The following RGS21 variants were observed in gnomAD, a reference collection of about 807,000 sequenced individuals.
RGS21 encodes regulator of G protein signaling 21.
Under a neutral mutation model 18.7 loss-of-function variants are expected in RGS21, and 19 were observed. The observed-to-expected ratio is 1.01, with a 90% CI of 0.71 to 1.49. The LOEUF (loss-of-function observed/expected upper bound fraction) is 1.49, where lower values mean the gene tolerates loss of function less well. Ranked by LOEUF, RGS21 falls within the 40% of genes most tolerant of loss-of-function variation. The probability of loss-of-function intolerance (pLI) is 0.00; values close to 1 mark genes in which losing one functional copy is unlikely to be tolerated. For missense variants in RGS21, 194 were observed against 176.8 expected, an observed-to-expected ratio of 1.10 and a Z score of -0.55; for synonymous variants, 56 against 57.8, an observed-to-expected ratio of 0.97 and a Z score of 0.14.
intron 3 of RGS21, among the ~76,000 whole-genome samples, chr1:192,351,725 TAA>T (rs1659043697): frequency 2.0e-5 from 3 of 147,640 alleles, no homozygotes; most frequent in Non-Finnish European, 4.5e-5. Flanking sequence ...ATAACACATA[TAA>T]TATATATGCT....
intron 1 of RGS21, among the ~76,000 whole-genome samples, chr1:192,321,351 A>C (rs1658496154): frequency 6.6e-6 from 1 of 151,994 alleles, no homozygotes; most frequent in Admixed American, 6.6e-5. Flanking sequence ...AAAATGATCT[A>C]ATTTATAATT....
intron 1 of RGS21, among the ~76,000 whole-genome samples, chr1:192,326,877 T>C (rs1658574938): frequency 6.6e-6 from 1 of 152,158 alleles, no homozygotes; most frequent in Non-Finnish European, 1.5e-5. Context: ...TGTACAGATC[T>C]GCATAATTCT....
intron 1 of RGS21, among the ~76,000 whole-genome samples, chr1:192,330,015 T>C (rs1042503854): frequency 6.6e-6 from 1 of 152,142 alleles, no homozygotes; most frequent in Non-Finnish European, 1.5e-5. Flanking sequence ...TATTTCTACG[T>C]CCAACATTGT....
At chr1:192,342,293 A>G (rs1571456129) in intron 1 of RGS21, among the ~76,000 whole-genome samples, 1 of 152,142 alleles carries the variant, frequency 6.6e-6, no homozygotes, top group Non-Finnish European at 1.5e-5. Context: ...AACTTTAACT[A>G]TAATTAAAAT....
At chr1:192,330,392 G>T (rs1214070916) in intron 1 of RGS21, among the ~76,000 whole-genome samples, 2 of 152,178 alleles carry the variant, frequency 1.3e-5, no homozygotes, top group Non-Finnish European at 2.9e-5. Context: ...CAAGAAAAGT[G>T]TGGTGTGGGG....
At chr1:192,340,159 G>A (rs1658837374) in intron 1 of RGS21, among the ~76,000 whole-genome samples, 1 of 151,934 alleles carries the variant, frequency 6.6e-6, no homozygotes, top group African/African-American at 2.4e-5. Flanking sequence ...AAATATTGCA[G>A]AATAAATCTC....
At chr1:192,320,141 C>T (rs767257167) in intron 1 of RGS21, among the ~76,000 whole-genome samples, 1 of 151,828 alleles carries the variant, frequency 6.6e-6, no homozygotes, top group East Asian at 1.9e-4. Context: ...TTCAGAGAAT[C>T]GAGGGTGGGA....
In RGS21 at chr1:192,347,127, C is replaced by A. The variant is rs187625596; in HGVS notation, c.12-186C>A. Among the ~76,000 whole-genome samples, 4 of 152,222 alleles carry A rather than the reference C, an allele frequency of 2.6e-5. No homozygotes were observed. The South Asian group carries it at 8.3e-4, about 32-fold the overall frequency. On this transcript the variant is annotated intron_variant, in intron 2 of 4. Transcript: ENST00000417209. ...AGATTAATAAATAATTTGCTGATGT[C>A]AAATTACATCCCACTTTATGTCACT...
At chr1:192,336,253 G>A (rs529014309) in intron 1 of RGS21, among the ~76,000 whole-genome samples, 1 of 152,144 alleles carries the variant, frequency 6.6e-6, no homozygotes, top group Admixed American at 6.5e-5. Context: ...TCAGGAGATC[G>A]AGACCAGCCT....
chr1:192,359,887 C>CTTGATAG (rs1466267484), intron 4 of RGS21, among the ~76,000 whole-genome samples: 14 of 151,370 alleles, frequency 9.2e-5, no homozygotes, highest in Non-Finnish European at 1.9e-4. Context: ...ATAAGGCACT[C>CTTGATAG]TTGATAGCAT....
In RGS21 at chr1:192,366,056, G is replaced by C. The variant is rs758186950; in HGVS notation, c.391G>C (p.Glu131Gln). 4.3e-6 allele frequency: 7 copies of C among 1,611,890 alleles called. No individual in the cohort carries two copies. The South Asian group carries it at 4.4e-5, about 10-fold the overall frequency. The change falls in exon 5 of 5, where the codon GAG (glutamate) becomes CAG (glutamine). Residue 131 changes from glutamate to glutamine, a missense_variant. By Grantham distance (29) the Glu-to-Gln change is conservative. Coordinates refer to ENST00000417209, the MANE Select transcript of RGS21 (RefSeq NM_001039152.3). ...KDSFPRFLKS[E>Q]IYKKLVNSQQ... ...TTCTTTCCCTCGATTTCTGAAGTCA[G>C]AGATTTATAAAAAACTGGTAAATAG... is the stretch of plus-strand genomic sequence containing the variant.
intron 1 of RGS21, among the ~76,000 whole-genome samples, chr1:192,325,835 C>G (rs112792777): frequency 0.022 from 3,303 of 152,032 alleles, 72 homozygotes; most frequent in South Asian, 0.057. Flanking sequence ...CTTATAGATT[C>G]TGGGCATTAG....
At position 192,347,313 on chromosome 1, in the gene RGS21, ATGC is replaced by A. The variant is rs1658964809; in HGVS notation, c.15_17del (p.Cys6del). 6.3e-7 allele frequency: 1 copy of A among 1,585,820 alleles called. No homozygotes were observed. The highest frequency in any genetic ancestry group is 8.7e-7 in the Non-Finnish European group (1 of 1,155,782). On this transcript the variant is annotated inframe_deletion and splice_region_variant, in exon 3 of 5. Transcript: ENST00000417209. The stretch of plus-strand genomic sequence containing the variant: ...ATCACAATGCTATTGTCAAGGTTAG[ATGC>A]TGTTTCTACAGGTCACCAACTGCGG...
chr1:192,320,520 G>GTGTATA (rs1318358249), intron 1 of RGS21, among the ~76,000 whole-genome samples: 13 of 97,896 alleles, frequency 1.3e-4, no homozygotes, highest in African/African-American at 6.1e-4. Context: ...GTATGTGTAT[G>GTGTATA]TGTATATGTA....
intron 1 of RGS21, among the ~76,000 whole-genome samples, chr1:192,317,616 TAGAAAAGCACA>T (rs974778188): frequency 5.9e-5 from 9 of 151,886 alleles, no homozygotes; most frequent in Admixed American, 5.9e-4. Flanking sequence ...ACATACAGCA[TAGAAAAGCACA>T]TTAAATATAA....
At chr1:192,327,499 G>T (rs1175277328) in intron 1 of RGS21, among the ~76,000 whole-genome samples, 1 of 151,500 alleles carries the variant, frequency 6.6e-6, no homozygotes, top group African/African-American at 2.4e-5. Flanking sequence ...TGAGACGGAG[G>T]TTCACTCTTG....
chr1:192,335,125 C>T (rs894666246), intron 1 of RGS21, among the ~76,000 whole-genome samples: 2 of 152,100 alleles, frequency 1.3e-5, no homozygotes, highest in African/African-American at 2.4e-5. Context: ...ATGAAGCTTG[C>T]TACTTTTATT....
intron 1 of RGS21, among the ~76,000 whole-genome samples, chr1:192,339,246 A>C (rs1289608961): frequency 6.6e-6 from 1 of 151,958 alleles, no homozygotes; most frequent in Admixed American, 6.6e-5. Flanking sequence ...AACATTGTTT[A>C]GCACTTGCAT....
At chr1:192,361,996 T>C (rs1169419354) in intron 4 of RGS21, among the ~76,000 whole-genome samples, 2 of 152,140 alleles carry the variant, frequency 1.3e-5, no homozygotes, top group Non-Finnish European at 2.9e-5. Context: ...GATATAATTA[T>C]GAGGGCAAAA....
Sources: gnomAD v4.1 joint callset for allele counts (sites outside exome capture counted in the v4.1 genomes callset) on GRCh38, gnomAD v4.1.1 for gene constraint, MANE v1.5 for transcripts, NCBI Gene and HGNC (gene_info 2026-07-23, HGNC 2026-07-21) for gene names.